CCR10: variants seen among roughly 807,000 people sequenced by gnomAD.
CCR10 encodes the protein C-C motif chemokine receptor 10.
Under a neutral mutation model 11.9 loss-of-function variants are expected in CCR10, and 11 were observed. The ratio of observed to expected loss-of-function variants is 0.92; its 90% CI spans 0.58 to 1.53. CCR10 has a LOEUF of 1.53. Ranked by LOEUF, CCR10 falls within the 40% of genes most tolerant of loss-of-function variation. The pLI, the probability that CCR10 is intolerant of heterozygous loss-of-function variation, is 0.00. For missense variants in CCR10, 428 were observed against 496.6 expected, an observed-to-expected ratio of 0.86 and a Z score of 1.31; for synonymous variants, 224 against 245.4, an observed-to-expected ratio of 0.91 and a Z score of 0.81.
rs931540224 is a variant in CCR10, at chr17:42,680,635, G to C, written c.25-18C>G. On this transcript the variant is annotated intron_variant, in intron 1 of 1. Transcript: ENST00000332438. ...CAGGAAACCTGGGAGGGTCAAATGAGAGGCGGGATCTTATGAGACACATCT... is the reference window on the plus strand; with the variant it reads ...CAGGAAACCTGGGAGGGTCAAATGACAGGCGGGATCTTATGAGACACATCT... The C allele has an allele frequency of 1.3e-6, 2 of 1,509,588 alleles. No homozygotes were observed. Among genetic ancestry groups the C allele is most frequent in the African/African-American group, 2.8e-5 (2 of 72,088 alleles). The allele number at this position is 1,509,588 out of a possible 1,614,324, so 93.5% of individuals were successfully genotyped here. A position where few individuals can be genotyped will look rare whatever the true frequency, so the allele number is the denominator to read the frequency against.
chr17:42,680,193 G>C lies in CCR10; in HGVS notation c.449C>G (p.Pro150Arg). The part of the protein sequence containing the change: ...VAIARALPAG[P>R]RPSTPGRAHL... ...TGCGCGGCCGGGAGTGGAGGGCCGCGGCCCGGCTGGGAGCGCTCGCGCGAT... is the reference window on the plus strand; with the variant it reads ...TGCGCGGCCGGGAGTGGAGGGCCGCCGCCCGGCTGGGAGCGCTCGCGCGAT... The change falls in exon 2 of 2, where the codon CCG (proline) becomes CGG (arginine). Residue 150 changes from proline (P) to arginine (R), a missense_variant. Coordinates refer to ENST00000332438, the MANE Select transcript of CCR10 (RefSeq NM_016602.3). 1.2e-6 allele frequency: 2 copies of C among 1,607,068 alleles called. No homozygotes were observed. The highest frequency in any genetic ancestry group is 8.5e-7 in the Non-Finnish European group (1 of 1,177,468).
rs2052901368 is a variant in CCR10, at chr17:42,679,491, T to C, written c.*62A>G. The C allele has an allele frequency of 8.3e-7, 1 of 1,203,366 alleles. No individual in the cohort carries two copies. The highest frequency in any genetic ancestry group is 1.6e-5 in the African/African-American group (1 of 62,738). The allele number at this position is 1,203,366 out of a possible 1,614,324, so 74.5% of individuals were successfully genotyped here. On this transcript the variant is annotated 3_prime_UTR_variant, in exon 2 of 2. Transcript: ENST00000332438. ...TTAGGTCCCTGCCTCTTTCTCAGTG[T>C]TCCCCCACCTACTCCCCTTTCCCAC...
intron 1 of CCR10, chr17:42,681,509 C>A: frequency 1.9e-6 from 1 of 534,822 alleles, no homozygotes. Flanking sequence ...GCACACTGAA[C>A]CACTCATGCC....
At position 42,679,944 on chromosome 17, in the gene CCR10, G is replaced by A. The variant is rs553745746; in HGVS notation, c.698C>T (p.Thr233Met). The A allele has an allele frequency of 9.0e-6, 14 of 1,556,274 alleles. No homozygotes were observed. The African/African-American group carries it at 1.5e-4, about 17-fold the overall frequency. ...CTCGGGCCCCCTGGCGGCCAGCAGC[G>A]TGCGGCCCAGAAGCGCGTAGCAGGC... The part of the protein sequence containing the change: ...MVACYALLGR[T>M]LLAARGPERR... The change falls in exon 2 of 2, where the codon ACG becomes ATG. Residue 233 changes from threonine (T) to methionine (M), a missense_variant. Physicochemically the swap from Thr to Met is moderately conservative, Grantham distance 81 (BLOSUM62 -1). Transcript: ENST00000332438.
chr17:42,681,812 C>T lies in CCR10; in HGVS notation c.12G>A (p.Glu4=). The change falls in exon 1 of 2, where the codon GAG becomes GAA. Residue 4 remains glutamate (E), a synonymous_variant. Coordinates refer to ENST00000332438, the MANE Select transcript of CCR10 (RefSeq NM_016602.3). The stretch of plus-strand genomic sequence containing the variant: ...CCCCCACTCCCACCTGCTCTGTGGC[C>T]TCCGTCCCCATCTCTGGCTACACAG... The part of the protein sequence containing the change: MGT[E]ATEQVSWGHY... The T allele has an allele frequency of 1.2e-6, 2 of 1,612,944 alleles. No homozygotes were observed. Among genetic ancestry groups the T allele is most frequent in the Non-Finnish European group, 1.7e-6 (2 of 1,179,068 alleles).
In CCR10 at chr17:42,679,484, C is replaced by T. The variant is rs1485106082; in HGVS notation, c.*69G>A. On this transcript the variant is annotated 3_prime_UTR_variant, in exon 2 of 2. Coordinates refer to ENST00000332438, the MANE Select transcript of CCR10 (RefSeq NM_016602.3). ...AGTCCCTTTAGGTCCCTGCCTCTTT[C>T]TCAGTGTTCCCCCACCTACTCCCCT... The T allele has an allele frequency of 3.7e-5, 42 of 1,144,216 alleles. No homozygotes were observed. The highest frequency in any genetic ancestry group is 5.0e-5 in the Non-Finnish European group (42 of 833,334). 70.9% of individuals were successfully genotyped at this position (1,144,216 alleles called of 1,614,324 possible). A position where few individuals can be genotyped will look rare whatever the true frequency, so the allele number is the denominator to read the frequency against.
Position 42,679,313 on chromosome 17 carries a change from C to T in CCR10, c.*240G>A. On this transcript the variant is annotated 3_prime_UTR_variant, in exon 2 of 2. Coordinates refer to ENST00000332438, the MANE Select transcript of CCR10 (RefSeq NM_016602.3). ...TCAGAGAGCCAAGCGCGGGGCAGGGCGGGGGGTGGGGCGGGGGCGGGGTGT... is the reference window on the plus strand; with the variant it reads ...TCAGAGAGCCAAGCGCGGGGCAGGGTGGGGGGTGGGGCGGGGGCGGGGTGT... 1 of 373,948 alleles carries T rather than the reference C, an allele frequency of 2.7e-6. No individual in the cohort carries two copies. The highest frequency in any genetic ancestry group is 4.6e-5 in the Admixed American group (1 of 21,716). The allele number at this position is 373,948 out of a possible 1,614,324, so 23.2% of individuals were successfully genotyped here.
Position 42,680,470 on chromosome 17 carries a change from C to G in CCR10, c.172G>C (p.Gly58Arg). 3 of 1,606,224 alleles carry G rather than the reference C, an allele frequency of 1.9e-6. No individual in the cohort carries two copies. Among genetic ancestry groups the G allele is most frequent in the Non-Finnish European group, 2.5e-6 (3 of 1,176,726 alleles). Reference protein sequence around the residue: ...SLTVAALGLAGNGLVLATHLA... With the variant: ...SLTVAALGLARNGLVLATHLA... Reference sequence around the variant, plus strand: ...TGGGTGGCCAGGACCAGGCCATTGCCGGCCAGACCCAGCGCAGCCACGGTC... The same window carrying G: ...TGGGTGGCCAGGACCAGGCCATTGCGGGCCAGACCCAGCGCAGCCACGGTC... Residue 58 changes from glycine to arginine, a missense_variant, in exon 2 of 2, where the codon GGC (glycine) becomes CGC (arginine). Physicochemically the swap from Gly to Arg is moderately radical, Grantham distance 125. Coordinates refer to ENST00000332438, the MANE Select transcript of CCR10 (RefSeq NM_016602.3).
Position 42,679,778 on chromosome 17 carries a change from C to T in CCR10, c.864G>A (p.Lys288=). Residue 288 remains lysine (K), a synonymous_variant, in exon 2 of 2, where the codon AAG becomes AAA. Transcript: ENST00000332438. ...RERSCPASKR[K]DVALLVTSGL... ...CGCTGGTCACCAGCAGTGCGACATC[C>T]TTGCGTTTGCTGGCAGGGCAGCTCC... 2.5e-6 allele frequency: 4 copies of T among 1,606,786 alleles called. No homozygotes were observed. The highest frequency in any genetic ancestry group is 1.3e-5 in the African/African-American group (1 of 74,162).
chr17:42,681,109 G>A (rs1389833433), intron 1 of CCR10, among the ~76,000 whole-genome samples: 8 of 151,996 alleles, frequency 5.3e-5, no homozygotes, highest in Admixed American at 1.3e-4. Context: ...CTCCGCCTCC[G>A]GGTTCAAGAG....
In CCR10 at chr17:42,680,252, G is replaced by C; in HGVS notation, c.390C>G (p.Phe130Leu). ...AGCGGTCGGCGCTGATACAGGCCAG[G>C]AAGAGGAAGCCGGCGTGGAAGGAGG... ...YSASFHAGFL[F>L]LACISADRYV... Residue 130 changes from phenylalanine (F) to leucine (L), a missense_variant, in exon 2 of 2, where the codon TTC (phenylalanine) becomes TTG (leucine). By Grantham distance (22) the Phe-to-Leu change is conservative (BLOSUM62 0). Transcript: ENST00000332438. The C allele has an allele frequency of 1.3e-6, 2 of 1,582,268 alleles. No individual in the cohort carries two copies. Among genetic ancestry groups the C allele is most frequent in the Non-Finnish European group, 1.7e-6 (2 of 1,164,758 alleles).
At chr17:42,681,665 C>G in intron 1 of CCR10, 135 bp downstream of exon 1, 1 of 741,082 alleles carries the variant, frequency 1.3e-6, no homozygotes, top group Non-Finnish European at 2.5e-6. Context: ...TGGAGGACCC[C>G]TAGTCTGAGA....
rs373744201 is a variant in CCR10 at position 42,680,433 on chromosome 17, C to T, written c.209G>A (p.Arg70Gln). 9 of 1,583,796 alleles carry T rather than the reference C, an allele frequency of 5.7e-6. No individual in the cohort carries two copies. Among genetic ancestry groups the T allele is most frequent in the Non-Finnish European group, 7.7e-6 (9 of 1,165,152 alleles). ...GLVLATHLAA[R>Q]RAARSPTSAH... ...AGAGGTGGGCGAGCGCGCTGCGCGT[C>T]GGGCTGCCAGGTGGGTGGCCAGGAC... is the stretch of plus-strand genomic sequence containing the variant. Residue 70 changes from arginine to glutamine, a missense_variant, in exon 2 of 2, where the codon CGA becomes CAA. Arg to Gln is a conservative substitution (Grantham distance 43). Transcript: ENST00000332438.
In CCR10 at chr17:42,679,659, C is replaced by T; in HGVS notation, c.983G>A (p.Gly328Glu). Residue 328 changes from glycine (G) to glutamate (E), a missense_variant, in exon 2 of 2, where the codon GGG becomes GAG. Physicochemically the swap from Gly to Glu is moderately conservative, Grantham distance 98 (BLOSUM62 -2). Transcript: ENST00000332438. ...GGGTTGAGGCCCTGAGGGGCAGCTC[C>T]CACCCCGTAGCAGCCTCCGCAGGTC... ...RQDLRRLLRG[G>E]SCPSGPQPRR... 1 of 1,507,882 alleles carries T rather than the reference C, an allele frequency of 6.6e-7. No individual in the cohort carries two copies. The highest frequency in any genetic ancestry group is 2.5e-5 in the East Asian group (1 of 40,584). 93.4% of individuals were successfully genotyped at this position (1,507,882 alleles called of 1,614,324 possible).
chr17:42,679,573 T>A lies in CCR10; in HGVS notation c.1069A>T (p.Ser357Cys). 6.8e-7 allele frequency: 1 copy of A among 1,480,650 alleles called. No homozygotes were observed. The highest frequency in any genetic ancestry group is 8.9e-7 in the Non-Finnish European group (1 of 1,119,762). 91.7% of individuals were successfully genotyped at this position (1,480,650 alleles called of 1,614,324 possible). The change falls in exon 2 of 2, where the codon AGT becomes TGT. Residue 357 changes from serine (S) to cysteine (C), a missense_variant. By Grantham distance (112) the Ser-to-Cys change is moderately radical (BLOSUM62 -1). Coordinates refer to ENST00000332438, the MANE Select transcript of CCR10 (RefSeq NM_016602.3). ...SSCSAPTETHSLSWDN is the reference protein window; with the variant it reads ...SSCSAPTETHCLSWDN ...CAGCCCTAGTTGTCCCAGGAGAGAC[T>A]GTGGGTCTCCGTGGGAGCTGAGCAG...
chr17:42,680,427 G>A lies in CCR10; in HGVS notation c.215C>T (p.Ala72Val). Residue 72 changes from alanine to valine, a missense_variant, in exon 2 of 2, where the codon GCA (alanine) becomes GTA (valine). Transcript: ENST00000332438. Reference sequence around the variant, plus strand: ...GTGGGCAGAGGTGGGCGAGCGCGCTGCGCGTCGGGCTGCCAGGTGGGTGGC... The same window carrying A: ...GTGGGCAGAGGTGGGCGAGCGCGCTACGCGTCGGGCTGCCAGGTGGGTGGC... ...VLATHLAARR[A>V]ARSPTSAHLL... The A allele has an allele frequency of 6.3e-7, 1 of 1,577,798 alleles. No homozygotes were observed. Among genetic ancestry groups the A allele is most frequent in the Non-Finnish European group, 8.6e-7 (1 of 1,161,970 alleles).
intron 1 of CCR10, 78 bp downstream of exon 1, chr17:42,681,722 G>T: frequency 9.4e-7 from 1 of 1,061,138 alleles, no homozygotes; most frequent in Non-Finnish European, 1.5e-6. Context: ...GAGGCCCATT[G>T]CCAGGTGGGG....
chr17:42,681,702 T>C lies in CCR10; in HGVS notation c.24+98A>G, dbSNP rs1338772882. The stretch of plus-strand genomic sequence containing the variant: ...AGCGCCAAGAATCCTGAATAAGCCA[T>C]AGGATGGCAGAGGCCCATTGCCAGG... On this transcript the variant is annotated intron_variant, in intron 1 of 1. Coordinates refer to ENST00000332438, the MANE Select transcript of CCR10 (RefSeq NM_016602.3). 8 of 875,766 alleles carry C rather than the reference T, an allele frequency of 9.1e-6. No homozygotes were observed. The East Asian group carries it at 1.9e-4, about 21-fold the overall frequency. The allele number at this position is 875,766 out of a possible 1,614,324, so 54.2% of individuals were successfully genotyped here.
chr17:42,680,185 A>G lies in CCR10; in HGVS notation c.457T>C (p.Ser153Pro). Residue 153 changes from serine to proline, a missense_variant, in exon 2 of 2, where the codon TCC becomes CCC. Ser to Pro is a moderately conservative substitution (Grantham distance 74). Coordinates refer to ENST00000332438, the MANE Select transcript of CCR10 (RefSeq NM_016602.3). ...ACCAAGTGTGCGCGGCCGGGAGTGG[A>G]GGGCCGCGGCCCGGCTGGGAGCGCT... ...ARALPAGPRP[S>P]TPGRAHLVSV... 6.2e-7 allele frequency: 1 copy of G among 1,609,116 alleles called. No individual in the cohort carries two copies. The highest frequency in any genetic ancestry group is 8.5e-7 in the Non-Finnish European group (1 of 1,178,490).
Sources: allele counts gnomAD v4.1 joint callset (sites outside exome capture counted in the v4.1 genomes callset), GRCh38; gene constraint gnomAD v4.1.1; transcripts MANE v1.5; gene names NCBI Gene and HGNC (gene_info 2026-07-23, HGNC 2026-07-21).